Variants in NEK1 observed in about 807,000 individuals in gnomAD.
NEK1 encodes the protein serine/threonine-protein kinase Nek1.
NEK1 carries 137 observed loss-of-function variants against 182.1 expected under a neutral mutation model. The observed-to-expected ratio is 0.75, with a 90% CI of 0.65 to 0.87. The LOEUF (loss-of-function observed/expected upper bound fraction) is 0.87. Ranked by LOEUF, NEK1 falls within the 40% of genes least tolerant of loss-of-function variation. NEK1 has a pLI of 0.00. For synonymous variants in NEK1, 513 were observed against 492.2 expected (o/e 1.04, Z -0.56); for missense variants, 1,391 against 1,494.4 (o/e 0.93, Z 1.14).
intron 23 of NEK1, among the ~76,000 whole-genome samples, chr4:169,502,292 T>C (rs527835487): frequency 6.7e-6 from 1 of 149,738 alleles, no homozygotes; most frequent in African/African-American, 2.4e-5. Flanking sequence ...ACCAGATAGA[T>C]TCACAAGATA....
intron 19 of NEK1, among the ~76,000 whole-genome samples, chr4:169,511,305 T>G (rs955611049): frequency 6.6e-6 from 1 of 151,976 alleles, no homozygotes; most frequent in African/African-American, 2.4e-5. Context: ...GTCAAAGAGT[T>G]GGGGAGATGA....
chr4:169,398,630 T>C (rs1731118539), intron 35 of NEK1, among the ~76,000 whole-genome samples: 3 of 152,188 alleles, frequency 2.0e-5, no homozygotes, highest in Non-Finnish European at 4.4e-5. Flanking sequence ...TATTCTTCAT[T>C]CCTGGCTTCA....
intron 18 of NEK1, 76 bp from the exon 19 acceptor site, chr4:169,537,987 A>T (rs1485467140): frequency 2.8e-6 from 3 of 1,073,156 alleles, no homozygotes; most frequent in Non-Finnish European, 4.0e-6. Context: ...CATTTATCCT[A>T]AATTTTTTTT....
intron 23 of NEK1, 53 bp downstream of exon 23, chr4:169,506,984 G>T: frequency 8.3e-7 from 1 of 1,200,236 alleles, no homozygotes; most frequent in Non-Finnish European, 1.2e-6. Context: ...TACCCAGGAA[G>T]AGCTATAAAA....
At chr4:169,460,001 A>G (rs1280549719) in intron 27 of NEK1, among the ~76,000 whole-genome samples, 1 of 152,216 alleles carries the variant, frequency 6.6e-6, no homozygotes, top group African/African-American at 2.4e-5. Context: ...CACCAAGAGT[A>G]AATTTTAATG....
chr4:169,405,445 T>C (rs1407740981), intron 32 of NEK1, among the ~76,000 whole-genome samples: 1 of 152,214 alleles, frequency 6.6e-6, no homozygotes, highest in African/African-American at 2.4e-5. Context: ...TATAGACTTA[T>C]AAACACAGTA....
chr4:169,572,343 A>C (rs923491173), intron 12 of NEK1, among the ~76,000 whole-genome samples: 1 of 152,234 alleles, frequency 6.6e-6, no homozygotes, highest in Non-Finnish European at 1.5e-5. Context: ...TGACTCCAAT[A>C]TGGAAGATGA....
In NEK1 at chr4:169,438,164, C is replaced by T. The variant is rs1738775052; in HGVS notation, c.2683G>A (p.Asp895Asn). ...GGACTTTTTGTCTCAACAGGAGAATCAACAATAGCTGATGGGTTTATTTCA... is the reference window on the plus strand; with the variant it reads ...GGACTTTTTGTCTCAACAGGAGAATTAACAATAGCTGATGGGTTTATTTCA... ...SHEINPSAIV[D>N]SPVETKSPEF... Residue 895 changes from aspartate to asparagine, a missense_variant, in exon 28 of 36, where the codon GAT becomes AAT. Asp to Asn is a conservative substitution (Grantham distance 23, BLOSUM62 1). Transcript: ENST00000507142. The T allele has an allele frequency of 3.7e-6, 6 of 1,608,486 alleles. No homozygotes were observed. In the East Asian group the frequency reaches 6.7e-5, roughly 18 times the overall value.
rs191849289 is a variant in NEK1, at chr4:169,603,866, C to G, written c.-48-1188G>C. Among the ~76,000 whole-genome samples the G allele has an allele frequency of 1.5e-3, 231 of 152,136 alleles. 2 individuals are homozygous for G. The highest frequency in any genetic ancestry group is 4.7e-3 in the African/African-American group (194 of 41,526). ...GATTACAGGTGTGTGCCACCACACACAGCTAATTTTTGTATTTTTAGTAGA... is the reference window on the plus strand; with the variant it reads ...GATTACAGGTGTGTGCCACCACACAGAGCTAATTTTTGTATTTTTAGTAGA... On this transcript the variant is annotated intron_variant, in intron 2 of 35. Transcript: ENST00000507142.
At chr4:169,551,160 T>C (rs1167903637) in intron 18 of NEK1, among the ~76,000 whole-genome samples, 5 of 152,204 alleles carry the variant, frequency 3.3e-5, no homozygotes, top group African/African-American at 1.2e-4. Flanking sequence ...TCATCTCCTA[T>C]GCTACTTTGA....
At chr4:169,474,767 A>G (rs913762477) in intron 26 of NEK1, among the ~76,000 whole-genome samples, 3 of 152,194 alleles carry the variant, frequency 2.0e-5, no homozygotes, top group Non-Finnish European at 4.4e-5. Context: ...TAAAGCCCCT[A>G]TAAGTCTGTC....
chr4:169,570,042 G>C (rs1273506993), intron 12 of NEK1, among the ~76,000 whole-genome samples: 1 of 146,348 alleles, frequency 6.8e-6, no homozygotes, highest in Non-Finnish European at 1.5e-5. Flanking sequence ...CATCTAGGAA[G>C]TGAGGAGCGC....
At chr4:169,441,341 C>T (rs1739414739) in intron 27 of NEK1, among the ~76,000 whole-genome samples, 1 of 152,214 alleles carries the variant, frequency 6.6e-6, no homozygotes, top group South Asian at 2.1e-4. Flanking sequence ...CTGATGCCAC[C>T]ACCTGAGAAT....
intron 27 of NEK1, among the ~76,000 whole-genome samples, chr4:169,444,963 C>T (rs906106926): frequency 6.6e-6 from 1 of 152,130 alleles, no homozygotes; most frequent in African/African-American, 2.4e-5. Context: ...GGAAACTGTA[C>T]ATATACATGG....
intron 27 of NEK1, among the ~76,000 whole-genome samples, chr4:169,460,508 T>C (rs1380134522): frequency 2.0e-5 from 3 of 151,990 alleles, no homozygotes; most frequent in African/African-American, 7.3e-5. Flanking sequence ...AGCTATAAGA[T>C]GAGATTTGGG....
At chr4:169,545,713 T>A (rs1760309411) in intron 18 of NEK1, among the ~76,000 whole-genome samples, 1 of 151,538 alleles carries the variant, frequency 6.6e-6, no homozygotes, top group African/African-American at 2.4e-5. Flanking sequence ...CCAGCACCTG[T>A]TGTTTCCTGA....
chr4:169,608,102 G>GACACACAC (rs1235995212), intron 2 of NEK1, among the ~76,000 whole-genome samples: 1 of 108,762 alleles, frequency 9.2e-6, no homozygotes, highest in African/African-American at 3.3e-5. Flanking sequence ...TTAAAGTTCA[G>GACACACAC]ACACACACAC....
chr4:169,495,261 T>G (rs1750979058), intron 23 of NEK1, among the ~76,000 whole-genome samples: 1 of 130,498 alleles, frequency 7.7e-6, no homozygotes, highest in African/African-American at 3.1e-5. Context: ...TTTTTTTTTT[T>G]GAGACGGAGT....
chr4:169,581,272 G>T (rs893206822), intron 10 of NEK1, among the ~76,000 whole-genome samples: 1 of 151,904 alleles, frequency 6.6e-6, no homozygotes, highest in African/African-American at 2.4e-5. Flanking sequence ...ATGTATCTGT[G>T]GGTGTATGTT....
Sources: gnomAD v4.1 joint callset for allele counts (sites outside exome capture counted in the v4.1 genomes callset) on GRCh38, gnomAD v4.1.1 for gene constraint, MANE v1.5 for transcripts, NCBI Gene and HGNC (gene_info 2026-07-23, HGNC 2026-07-21) for gene names.